Variants in NELL1 observed in about 807,000 individuals in gnomAD.
NELL1 encodes the protein protein kinase C-binding protein NELL1.
Under a neutral mutation model 107.4 loss-of-function variants are expected in NELL1, and 76 were observed. The observed-to-expected ratio is 0.71, with a 90% CI of 0.59 to 0.86. NELL1 has a LOEUF of 0.86. Among genes scored for constraint, NELL1 ranks in the 40% least tolerant of loss-of-function variants. The pLI, the probability that NELL1 is intolerant of heterozygous loss-of-function variation, is 0.00. For missense variants in NELL1, 1,024 were observed against 1,005.5 expected, an observed-to-expected ratio of 1.02 and a Z score of -0.25; for synonymous variants, 353 against 341.2, an observed-to-expected ratio of 1.03 and a Z score of -0.38.
At chr11:21,288,475 T>A (rs1163633685) in intron 14 of NELL1, among the ~76,000 whole-genome samples, 2 of 152,218 alleles carry the variant, frequency 1.3e-5, no homozygotes, top group Non-Finnish European at 2.9e-5. Flanking sequence ...CTCCTTCTCT[T>A]TACAGATTTG....
At chr11:20,948,104 A>G (rs1213814308) in intron 11 of NELL1, among the ~76,000 whole-genome samples, 1 of 152,094 alleles carries the variant, frequency 6.6e-6, no homozygotes, top group East Asian at 1.9e-4. Context: ...GAGCAGTGGT[A>G]CGATCATAGC....
At chr11:20,937,305 A>G (rs1850746673) in intron 9 of NELL1, among the ~76,000 whole-genome samples, 2 of 152,168 alleles carry the variant, frequency 1.3e-5, no homozygotes. Flanking sequence ...CTTGTCTCAC[A>G]TGTGTATTTC....
intron 14 of NELL1, among the ~76,000 whole-genome samples, chr11:21,280,758 A>AATAAACTTAAATAACAATTTAAGTTCC (rs1163392527): frequency 4.6e-5 from 7 of 152,284 alleles, no homozygotes; most frequent in Non-Finnish European, 2.9e-5. Context: ...ATTTAAGTTT[A>AATAAACTTAAATAACAATTTAAGTTCC]ATAAACTTAA....
chr11:20,928,385 C>T lies in NELL1; in HGVS notation c.903C>T (p.Ala301=), dbSNP rs746083104. The T allele has an allele frequency of 1.1e-5, 17 of 1,613,574 alleles. No homozygotes were observed. The East Asian group carries it at 2.5e-4, about 23-fold the overall frequency. Residue 301 remains alanine, a synonymous_variant, in exon 9 of 20, where the codon GCC becomes GCT. Transcript: ENST00000357134. ...HCRNCTCKSG[A]VECRRMSCPP... is the part of the protein sequence containing the mutation. Reference sequence around the variant, plus strand: ...TGTCCTTCCTTCCTCAGAGTGGTGCCGTGGAATGCCGAAGGATGTCCTGTC... The same window carrying T: ...TGTCCTTCCTTCCTCAGAGTGGTGCTGTGGAATGCCGAAGGATGTCCTGTC...
At chr11:20,986,057 G>GT (rs891894366) in intron 12 of NELL1, among the ~76,000 whole-genome samples, 190 of 150,680 alleles carry the variant, frequency 1.3e-3, no homozygotes, top group South Asian at 3.4e-3. Flanking sequence ...TATGAAGTTT[G>GT]TTTTTTTTTG....
chr11:21,391,925 G>C (rs1308949257), intron 15 of NELL1, among the ~76,000 whole-genome samples: 1 of 151,734 alleles, frequency 6.6e-6, no homozygotes, highest in Non-Finnish European at 1.5e-5. Context: ...AATGATTTTA[G>C]GTTCATTCTT....
At chr11:21,254,854 G>A (rs1231261395) in intron 14 of NELL1, among the ~76,000 whole-genome samples, 1 of 152,104 alleles carries the variant, frequency 6.6e-6, no homozygotes, top group Non-Finnish European at 1.5e-5. Context: ...ATACAGTGTG[G>A]TTGCATGGAG....
chr11:20,679,350 C>G (rs189422116), intron 2 of NELL1, among the ~76,000 whole-genome samples: 199 of 152,284 alleles, frequency 1.3e-3, no homozygotes, highest in African/African-American at 4.4e-3. Context: ...AAATGTCTGG[C>G]AGGGTTCTTT....
chr11:21,481,691 T>G (rs1227660901), intron 15 of NELL1, among the ~76,000 whole-genome samples: 1 of 152,210 alleles, frequency 6.6e-6, no homozygotes, highest in African/African-American at 2.4e-5. Context: ...CTGCTGTGCC[T>G]CGTGGACTTT....
intron 2 of NELL1, among the ~76,000 whole-genome samples, chr11:20,686,487 C>T (rs898508967): frequency 3.3e-5 from 5 of 152,062 alleles, no homozygotes; most frequent in African/African-American, 4.8e-5. Context: ...AGGCAGCCCC[C>T]GGAACCAGAA....
intron 14 of NELL1, among the ~76,000 whole-genome samples, chr11:21,292,239 A>AT (rs1849284309): frequency 6.6e-6 from 1 of 152,214 alleles, no homozygotes; most frequent in Non-Finnish European, 1.5e-5. Flanking sequence ...AAGTCTCAGG[A>AT]TAGAAAATCA....
intron 15 of NELL1, among the ~76,000 whole-genome samples, chr11:21,469,431 C>G (rs1442184484): frequency 6.6e-6 from 1 of 151,986 alleles, no homozygotes; most frequent in Non-Finnish European, 1.5e-5. Flanking sequence ...GAAAATTGCT[C>G]TTGGGTTTTC....
chr11:20,964,605 C>T (rs1851353582), intron 12 of NELL1, among the ~76,000 whole-genome samples: 1 of 152,166 alleles, frequency 6.6e-6, no homozygotes, highest in Admixed American at 6.6e-5. Context: ...ATCCTCAACT[C>T]ATTTCTACTC....
chr11:20,856,481 C>T (rs764780198), intron 4 of NELL1, among the ~76,000 whole-genome samples: 3 of 152,222 alleles, frequency 2.0e-5, no homozygotes, highest in Non-Finnish European at 4.4e-5. Context: ...TAACAAGCTT[C>T]AAGTTGTGGC....
At chr11:21,517,727 G>A (rs1017600133) in intron 15 of NELL1, among the ~76,000 whole-genome samples, 1 of 152,044 alleles carries the variant, frequency 6.6e-6, no homozygotes, top group South Asian at 2.1e-4. Flanking sequence ...TACAGCAAAT[G>A]GTCATGGGCA....
At chr11:21,134,014 C>G (rs976279535) in intron 13 of NELL1, among the ~76,000 whole-genome samples, 3 of 152,214 alleles carry the variant, frequency 2.0e-5, no homozygotes, top group African/African-American at 7.2e-5. Context: ...TCAGACAGGC[C>G]GCAGCTGCCA....
At chr11:21,523,302 T>C (rs1295849904) in intron 15 of NELL1, among the ~76,000 whole-genome samples, 1 of 152,226 alleles carries the variant, frequency 6.6e-6, no homozygotes, top group African/African-American at 2.4e-5. Context: ...TATTGCTTTT[T>C]ACTAGTCTGA....
intron 12 of NELL1, among the ~76,000 whole-genome samples, chr11:21,107,095 C>A (rs1854987632): frequency 6.6e-6 from 1 of 152,098 alleles, no homozygotes; most frequent in Admixed American, 6.6e-5. Context: ...TATCAATATC[C>A]CTCACCTGAG....
intron 12 of NELL1, among the ~76,000 whole-genome samples, chr11:21,109,251 G>C (rs1855048398): frequency 6.6e-6 from 1 of 151,986 alleles, no homozygotes; most frequent in Admixed American, 6.6e-5. Context: ...AATTGCCAGG[G>C]GCTGTTCCTA....
Sources: allele counts gnomAD v4.1 joint callset (sites outside exome capture counted in the v4.1 genomes callset), GRCh38; gene constraint gnomAD v4.1.1; transcripts MANE v1.5; gene names NCBI Gene and HGNC (gene_info 2026-07-23, HGNC 2026-07-21).